FRAS1: variants seen among roughly 807,000 people sequenced by gnomAD.
FRAS1 encodes the protein Fraser extracellular matrix complex subunit 1.
In FRAS1, 290 loss-of-function variants were observed where a neutral mutation model predicts 435.2. That is an observed-to-expected ratio of 0.67 (90% CI 0.61 to 0.73). The LOEUF (loss-of-function observed/expected upper bound fraction) is 0.73. FRAS1 is among the 30% of genes least tolerant of loss of function. FRAS1 has a pLI of 0.00. For missense variants in FRAS1, 4,860 were observed against 5,001.5 expected, an observed-to-expected ratio of 0.97 and a Z score of 0.85; for synonymous variants, 1,800 against 1,851.0, an observed-to-expected ratio of 0.97 and a Z score of 0.71.
Position 78,108,891 on chromosome 4 carries a change from A to C in FRAS1, c.108+42875A>C, listed in dbSNP as rs181557583. ...AAAAAAAGAGAGAAGAATCAAATAG[A>C]CACAATAAAAAATGATAAAGGGGAT... On this transcript the variant is annotated intron_variant, in intron 2 of 73. Transcript: ENST00000512123. Among the ~76,000 whole-genome samples, 7 of 126,078 alleles carry C rather than the reference A, an allele frequency of 5.6e-5. 2 individuals carry two copies. Among genetic ancestry groups the C allele is most frequent in the Admixed American group, 2.6e-4 (3 of 11,570 alleles). 82.7% of individuals were successfully genotyped at this position (126,078 alleles called of 152,430 possible). A position where few individuals can be genotyped will look rare whatever the true frequency, so the allele number is the denominator to read the frequency against.
intron 11 of FRAS1, among the ~76,000 whole-genome samples, chr4:78,282,114 T>C (rs1328290084): frequency 2.0e-5 from 3 of 152,218 alleles, no homozygotes; most frequent in Admixed American, 1.3e-4. Flanking sequence ...TCTGCTCTCC[T>C]GTTTTCTCCT....
At chr4:78,129,094 G>T (rs1452187001) in intron 2 of FRAS1, among the ~76,000 whole-genome samples, 1 of 152,168 alleles carries the variant, frequency 6.6e-6, no homozygotes, top group African/African-American at 2.4e-5. Context: ...TGAGGGCTCT[G>T]TTCTATTCCA....
chr4:78,450,692 T>G (rs1428974060), intron 45 of FRAS1, among the ~76,000 whole-genome samples: 1 of 152,090 alleles, frequency 6.6e-6, no homozygotes, highest in Middle Eastern at 3.2e-3. Flanking sequence ...TATGCCTTCC[T>G]TAGGTGAGCA....
At chr4:78,383,937 A>G in intron 27 of FRAS1, 122 bp from the exon 28 acceptor site, 1 of 661,580 alleles carries the variant, frequency 1.5e-6, no homozygotes, top group Non-Finnish European at 2.6e-6. Context: ...GTGTGACATT[A>G]CTGCAGCAGT....
chr4:78,424,528 T>C, intron 35 of FRAS1, 108 bp downstream of exon 35: 1 of 488,340 alleles, frequency 2.0e-6, no homozygotes, highest in Non-Finnish European at 3.6e-6. Context: ...TAAGAACTAC[T>C]TAAAAATTAT....
chr4:78,413,897 G>A (rs970043965), intron 32 of FRAS1, among the ~76,000 whole-genome samples: 1 of 152,078 alleles, frequency 6.6e-6, no homozygotes, highest in African/African-American at 2.4e-5. Flanking sequence ...GAGGGGAGAG[G>A]GTGAGTGCTG....
intron 9 of FRAS1, among the ~76,000 whole-genome samples, chr4:78,274,282 T>C (rs1387363098): frequency 1.3e-5 from 2 of 151,246 alleles, no homozygotes; most frequent in Non-Finnish European, 3.0e-5. Context: ...GATTCATTGA[T>C]TTTTTGAAGG....
At chr4:78,333,687 A>G (rs1158146565) in intron 19 of FRAS1, among the ~76,000 whole-genome samples, 1 of 152,230 alleles carries the variant, frequency 6.6e-6, no homozygotes, top group Non-Finnish European at 1.5e-5. Context: ...TCTTGCCTGG[A>G]AGACAATGAT....
chr4:78,244,269 C>T (rs2110122905), intron 3 of FRAS1, among the ~76,000 whole-genome samples: 1 of 151,630 alleles, frequency 6.6e-6, no homozygotes. Flanking sequence ...CACACACGCA[C>T]ACACACACAC....
At chr4:78,205,148 G>C (rs750401059) in intron 2 of FRAS1, among the ~76,000 whole-genome samples, 1 of 151,914 alleles carries the variant, frequency 6.6e-6, no homozygotes, top group African/African-American at 2.4e-5. Context: ...AGTTAAAAGG[G>C]TGGTTATCCC....
rs368983274 is a variant in FRAS1 at position 78,537,033 on chromosome 4, C to G, written c.11131C>G (p.Gln3711Glu). 24 of 1,613,856 alleles carry G rather than the reference C, an allele frequency of 1.5e-5. No individual in the cohort carries two copies. In the African/African-American group the frequency reaches 3.2e-4, roughly 22 times the overall value. ...LYGRVLWNPE[Q>E]NLNSAYKLQL... ...TGGCCGAGTACTTTGGAATCCAGAACAAAATCTTAATTCTGCTTACAAACT... is the reference window on the plus strand; with the variant it reads ...TGGCCGAGTACTTTGGAATCCAGAAGAAAATCTTAATTCTGCTTACAAACT... The change falls in exon 72 of 74, where the codon CAA (glutamine) becomes GAA (glutamate). Residue 3711 changes from glutamine to glutamate, a missense_variant. Coordinates refer to ENST00000512123, the MANE Select transcript of FRAS1 (RefSeq NM_025074.7).
At position 78,429,086 on chromosome 4, in the gene FRAS1, C is replaced by G. The variant is rs1380944090; in HGVS notation, c.4712-9C>G. Reference sequence around the variant, plus strand: ...TGTCTCTGTGTGTGTGTGCATTTATCCTTTTTAGTTTCAGATGGAGAACAC... The same window carrying G: ...TGTCTCTGTGTGTGTGTGCATTTATGCTTTTTAGTTTCAGATGGAGAACAC... On this transcript the variant is annotated splice_polypyrimidine_tract_variant and intron_variant, in intron 35 of 73. Transcript: ENST00000512123. 6.4e-7 allele frequency: 1 copy of G among 1,550,862 alleles called. No individual in the cohort carries two copies. The highest frequency in any genetic ancestry group is 2.0e-5 in the Admixed American group (1 of 50,882).
chr4:78,317,217 G>T, intron 16 of FRAS1, 151 bp from the exon 17 acceptor site: 1 of 808,588 alleles, frequency 1.2e-6, no homozygotes, highest in South Asian at 1.7e-5. Context: ...GGCAGTTCTG[G>T]CAGTGTAACC....
Position 78,432,456 on chromosome 4 carries a change from A to G in FRAS1, c.5069A>G (p.Asp1690Gly). ...REDSMEISVT[D>G]GLTVTMLEVR... ...GACAGCATGGAGATCTCAGTCACAG[A>G]TGGCCTCACAGTGACAATGCTGGAG... The change falls in exon 38 of 74, where the codon GAT becomes GGT. Residue 1690 changes from aspartate (D) to glycine (G), a missense_variant. By Grantham distance (94) the Asp-to-Gly change is moderately conservative. Coordinates refer to ENST00000512123, the MANE Select transcript of FRAS1 (RefSeq NM_025074.7). 5 of 1,613,348 alleles carry G rather than the reference A, an allele frequency of 3.1e-6. No homozygotes were observed. The highest frequency in any genetic ancestry group is 4.2e-6 in the Non-Finnish European group (5 of 1,179,652).
chr4:78,135,021 G>A (rs1578146104), intron 2 of FRAS1, among the ~76,000 whole-genome samples: 1 of 151,972 alleles, frequency 6.6e-6, no homozygotes, highest in Non-Finnish European at 1.5e-5. Flanking sequence ...ATGCTGGTAG[G>A]GTTTAATTGT....
intron 2 of FRAS1, among the ~76,000 whole-genome samples, chr4:78,205,769 T>C (rs932526617): frequency 2.0e-4 from 30 of 152,066 alleles, no homozygotes; most frequent in African/African-American, 7.0e-4. Flanking sequence ...AAGGCACATT[T>C]TGCTGCCTTT....
At chr4:78,492,172 C>T (rs1720371519) in intron 59 of FRAS1, among the ~76,000 whole-genome samples, 1 of 152,144 alleles carries the variant, frequency 6.6e-6, no homozygotes, top group African/African-American at 2.4e-5. Flanking sequence ...AAAAATATTC[C>T]ATGCTCATGG....
chr4:78,486,427 T>A lies in FRAS1; in HGVS notation c.8753-2448T>A, dbSNP rs182223622. Among the ~76,000 whole-genome samples the A allele has an allele frequency of 3.9e-5, 6 of 152,320 alleles. No homozygotes were observed. In the East Asian group the frequency reaches 9.6e-4, roughly 24 times the overall value. On this transcript the variant is annotated intron_variant, in intron 58 of 73. Transcript: ENST00000512123. Reference sequence around the variant, plus strand: ...GACTGGCCATGCACAATAAGTGTTCTATGAGCAGTGCTGACAGAAAATGCG... The same window carrying A: ...GACTGGCCATGCACAATAAGTGTTCAATGAGCAGTGCTGACAGAAAATGCG...
intron 59 of FRAS1, among the ~76,000 whole-genome samples, chr4:78,494,810 C>T (rs4975130): frequency 0.74 from 112,587 of 152,116 alleles, 42,998 homozygotes; most frequent in East Asian, 1. Context: ...CAGTGCACAT[C>T]CTCATACATG....
Sources: gnomAD v4.1 joint callset for allele counts (sites outside exome capture counted in the v4.1 genomes callset) on GRCh38, gnomAD v4.1.1 for gene constraint, MANE v1.5 for transcripts, NCBI Gene and HGNC (gene_info 2026-07-23, HGNC 2026-07-21) for gene names.